The following EDDM13 variants were observed in gnomAD, a reference collection of about 807,000 sequenced individuals.
EDDM13 encodes epididymal protein 13.
Under a neutral mutation model 17.8 loss-of-function variants are expected in EDDM13, and 24 were observed. The observed-to-expected ratio is 1.35, with a 90% CI of 0.98 to 1.90. EDDM13 has a LOEUF of 1.90. Among genes scored for constraint, EDDM13 ranks in the 40% most tolerant of loss-of-function variants. The pLI is 0.00. For synonymous variants in EDDM13, 31 were observed against 37.5 expected (o/e 0.83, Z 0.63); for missense variants, 97 against 100.8 (o/e 0.96, Z 0.16).
chr19:56,303,963 G>A (rs740869), intron 13 of EDDM13, among the ~76,000 whole-genome samples: 76,519 of 151,956 alleles, frequency 0.5, 20,550 homozygotes, highest in Non-Finnish European at 0.61. Context: ...GAACATCTAT[G>A]TGACCTGAGA....
chr19:56,279,278 T>C (rs1407933050), intron 2 of EDDM13, among the ~76,000 whole-genome samples: 1 of 151,544 alleles, frequency 6.6e-6, no homozygotes, highest in African/African-American at 2.4e-5. Flanking sequence ...GGGAAAAAGA[T>C]CTCTTTTTTT....
At chr19:56,275,256 A>G (rs573602991) in intron 1 of EDDM13, among the ~76,000 whole-genome samples, 1 of 152,310 alleles carries the variant, frequency 6.6e-6, no homozygotes, top group South Asian at 2.1e-4. Context: ...TAATTTTAGC[A>G]TCCATCTGTG....
At chr19:56,277,763 T>A (rs574608394) in intron 2 of EDDM13, among the ~76,000 whole-genome samples, 6 of 151,440 alleles carry the variant, frequency 4.0e-5, no homozygotes, top group Non-Finnish European at 7.4e-5. Flanking sequence ...GGAAGGAGGG[T>A]GGCAGGGAGG....
At chr19:56,303,976 G>A (rs769350095) in intron 13 of EDDM13, among the ~76,000 whole-genome samples, 1 of 152,172 alleles carries the variant, frequency 6.6e-6, no homozygotes, top group Non-Finnish European at 1.5e-5. Context: ...ACCTGAGAGG[G>A]GCAGGGGGGT....
chr19:56,309,371 A>G (rs1270505544), intron 14 of EDDM13, among the ~76,000 whole-genome samples: 1 of 152,220 alleles, frequency 6.6e-6, no homozygotes, highest in African/African-American at 2.4e-5. Context: ...CCACTCTTAG[A>G]AGTGACAATT....
chr19:56,276,534 T>TTTTATTTA (rs78738335), intron 2 of EDDM13, among the ~76,000 whole-genome samples: 2 of 141,262 alleles, frequency 1.4e-5, no homozygotes, highest in African/African-American at 2.5e-5. Flanking sequence ...TGAGGGTTAT[T>TTTTATTTA]TTTATTTATT....
rs1283416275 is a variant in EDDM13, at chr19:56,290,734, G to A, written c.227-107G>A. On this transcript the variant is annotated intron_variant, in intron 8 of 14. Transcript: ENST00000649256. The stretch of plus-strand genomic sequence containing the variant: ...CATAAACAGTTTAAAATAGTTTTAC[G>A]ATATTGAATGGAGGAATAATTGAAT... Among the ~76,000 whole-genome samples, 5 of 152,118 alleles carry A rather than the reference G, an allele frequency of 3.3e-5. No individual in the cohort carries two copies. In the East Asian group the frequency reaches 7.7e-4, roughly 23 times the overall value.
intron 9 of EDDM13, among the ~76,000 whole-genome samples, chr19:56,294,911 CAT>C (rs1311055284): frequency 6.6e-6 from 1 of 152,206 alleles, no homozygotes; most frequent in Non-Finnish European, 1.5e-5. Flanking sequence ...GTCTCTACGA[CAT>C]GTCCACAGCA....
chr19:56,285,613 T>C (rs2039049622), intron 6 of EDDM13, among the ~76,000 whole-genome samples: 1 of 152,120 alleles, frequency 6.6e-6, no homozygotes, highest in Admixed American at 6.5e-5. Flanking sequence ...TTTTGATTTG[T>C]TTTGTTTGTT....
intron 9 of EDDM13, among the ~76,000 whole-genome samples, chr19:56,294,632 G>A (rs1459817947): frequency 1.3e-5 from 2 of 152,170 alleles, no homozygotes; most frequent in African/African-American, 4.8e-5. Flanking sequence ...AATGGGCATG[G>A]CTGTGTGCCA....
chr19:56,285,777 C>T lies in EDDM13; in HGVS notation c.154+753C>T, dbSNP rs576865376. 8.5e-5 allele frequency among the ~76,000 whole-genome samples: 13 copies of T among 152,188 alleles called. No individual in the cohort carries two copies. The East Asian group carries it at 1.9e-3, about 23-fold the overall frequency. On this transcript the variant is annotated intron_variant, in intron 6 of 14. Coordinates refer to ENST00000649256, the MANE Select transcript of EDDM13 (RefSeq NM_001354658.2). ...TACAGGCATGAGCCATCACGCCCAG[C>T]CCAGTTTTGTTTTATTTTGTTTTGA...
chr19:56,283,528 C>A (rs745349168), intron 4 of EDDM13: 3 of 152,172 alleles, frequency 2.0e-5, no homozygotes, highest in Non-Finnish European at 4.4e-5. Flanking sequence ...AACTACCAGA[C>A]GATTTTCAGT....
chr19:56,295,360 G>A (rs1472340855), intron 9 of EDDM13, among the ~76,000 whole-genome samples: 1 of 152,098 alleles, frequency 6.6e-6, no homozygotes, highest in Non-Finnish European at 1.5e-5. Context: ...TTGGGAGGCT[G>A]ATGCGGGCGG....
At chr19:56,281,869 C>T (rs534451494) in intron 3 of EDDM13, among the ~76,000 whole-genome samples, 171 bp downstream of exon 3, 6 of 152,098 alleles carry the variant, frequency 3.9e-5, no homozygotes, top group African/African-American at 1.2e-4. Flanking sequence ...GCAGATTGCC[C>T]GGGGTGGGAA....
At chr19:56,280,377 T>C (rs2038600375) in intron 2 of EDDM13, among the ~76,000 whole-genome samples, 2 of 152,180 alleles carry the variant, frequency 1.3e-5, no homozygotes, top group African/African-American at 4.8e-5. Flanking sequence ...TTGTTTTCAG[T>C]AGTTTGCTCT....
chr19:56,299,408 CAGACATAAGCCACCA>C (rs1462855263), intron 12 of EDDM13, among the ~76,000 whole-genome samples: 1 of 151,104 alleles, frequency 6.6e-6, no homozygotes, highest in African/African-American at 2.4e-5. Flanking sequence ...GCTGGAATTA[CAGACATAAGCCACCA>C]TGCCCAGCCT....
chr19:56,283,363 T>G (rs1309084925), intron 4 of EDDM13: 1 of 152,182 alleles, frequency 6.6e-6, no homozygotes, highest in Non-Finnish European at 1.5e-5. Context: ...ATCTTCCTTC[T>G]TTATTGACAC....
chr19:56,288,636 C>T (rs1317966718), intron 7 of EDDM13, among the ~76,000 whole-genome samples, 198 bp downstream of exon 7: 1 of 152,206 alleles, frequency 6.6e-6, no homozygotes, highest in African/African-American at 2.4e-5. Context: ...GCCCAGCACA[C>T]AGGAGATGCC....
At chr19:56,277,492 A>AT (rs542605995) in intron 2 of EDDM13, among the ~76,000 whole-genome samples, 12 of 152,032 alleles carry the variant, frequency 7.9e-5, no homozygotes, top group South Asian at 4.2e-4. Context: ...GGATAGGCAA[A>AT]TCCATAGAGA....
Sources: gnomAD v4.1 joint callset for allele counts (sites outside exome capture counted in the v4.1 genomes callset) on GRCh38, gnomAD v4.1.1 for gene constraint, MANE v1.5 for transcripts, NCBI Gene and HGNC (gene_info 2026-07-23, HGNC 2026-07-21) for gene names.